PRKCB: variants seen among roughly 807,000 people sequenced by gnomAD.
The protein encoded by PRKCB is protein kinase C beta type.
Under a neutral mutation model 81.5 loss-of-function variants are expected in PRKCB, and 13 were observed. The observed-to-expected ratio is 0.16, with a 90% CI of 0.10 to 0.25. PRKCB has a LOEUF of 0.25. Ranked by LOEUF, PRKCB falls within the 10% of genes least tolerant of loss-of-function variation. PRKCB has a pLI of 1.00. For missense variants in PRKCB, 509 were observed against 875.7 expected, an observed-to-expected ratio of 0.58 and a Z score of 5.29; for synonymous variants, 335 against 321.4, an observed-to-expected ratio of 1.04 and a Z score of -0.45.
intron 3 of PRKCB, among the ~76,000 whole-genome samples, chr16:24,004,478 C>CA (rs71154264): frequency 0.09 from 4,253 of 47,266 alleles, 90 homozygotes; most frequent in African/African-American, 0.15. Context: ...CAAGTCTCTA[C>CA]AAAAAAAAAA....
chr16:23,961,656 C>A (rs1964428094), intron 2 of PRKCB, among the ~76,000 whole-genome samples: 1 of 152,134 alleles, frequency 6.6e-6, no homozygotes, highest in African/African-American at 2.4e-5. Context: ...GGTTGAGCAT[C>A]TCTTATCCAA....
chr16:23,897,861 C>A (rs1326550375), intron 2 of PRKCB, among the ~76,000 whole-genome samples: 1 of 151,952 alleles, frequency 6.6e-6, no homozygotes, highest in African/African-American at 2.4e-5. Flanking sequence ...ACCCACCCAT[C>A]CATATATCTA....
intron 5 of PRKCB, among the ~76,000 whole-genome samples, chr16:24,057,254 T>G (rs1264739273): frequency 1.3e-5 from 2 of 152,182 alleles, no homozygotes; most frequent in African/African-American, 4.8e-5. Flanking sequence ...GTCAGCCCTA[T>G]GAAATAATAC....
chr16:23,955,130 G>A (rs1437452992), intron 2 of PRKCB, among the ~76,000 whole-genome samples: 2 of 152,010 alleles, frequency 1.3e-5, no homozygotes, highest in African/African-American at 2.4e-5. Context: ...GTTGAGGCAC[G>A]ACAATCACTT....
At chr16:24,040,378 T>G (rs1289995656) in intron 5 of PRKCB, among the ~76,000 whole-genome samples, 3 of 152,352 alleles carry the variant, frequency 2.0e-5, no homozygotes, top group Admixed American at 6.5e-5. Flanking sequence ...CATTGCCATC[T>G]TCTCTTTTTC....
At chr16:24,189,773 G>C (rs796093460) in intron 15 of PRKCB, among the ~76,000 whole-genome samples, 35 of 152,282 alleles carry the variant, frequency 2.3e-4, no homozygotes, top group African/African-American at 8.4e-4. Context: ...TCTTGCGAGG[G>C]GGCAACAGGC....
intron 3 of PRKCB, among the ~76,000 whole-genome samples, chr16:23,993,117 G>A (rs1964909583): frequency 6.6e-6 from 1 of 152,080 alleles, no homozygotes; most frequent in Non-Finnish European, 1.5e-5. Flanking sequence ...GCTCCTAAAC[G>A]TGAGATGCAC....
chr16:24,070,660 G>A lies in PRKCB; in HGVS notation c.530-22131G>A, dbSNP rs1052711985. 2.0e-5 allele frequency among the ~76,000 whole-genome samples: 3 copies of A among 152,076 alleles called. No individual in the cohort carries two copies. In the East Asian group the frequency reaches 5.8e-4, roughly 29 times the overall value. On this transcript the variant is annotated intron_variant, in intron 5 of 16. Transcript: ENST00000643927. ...CTCAGCCATCTTATGAGGGAACACT[G>A]TTGCTATTCTCATATTACAGATGAG... is the stretch of plus-strand genomic sequence containing the variant.
intron 2 of PRKCB, among the ~76,000 whole-genome samples, chr16:23,887,803 CA>C (rs1400334467): frequency 5.9e-5 from 9 of 151,322 alleles, no homozygotes; most frequent in Admixed American, 5.9e-4. Context: ...AACTAATTTA[CA>C]ATTTCACCAA....
At chr16:23,874,519 T>G (rs11645672) in intron 2 of PRKCB, among the ~76,000 whole-genome samples, 12,408 of 151,964 alleles carry the variant, frequency 0.082, 657 homozygotes, top group South Asian at 0.21. Flanking sequence ...TGAAACATAC[T>G]TATTTTTTGG....
intron 3 of PRKCB, among the ~76,000 whole-genome samples, chr16:24,020,976 T>TTTCTTTC (rs1195937545): frequency 0.017 from 1,660 of 96,732 alleles, 19 homozygotes; most frequent in African/African-American, 0.029. Context: ...AGACTTTTCT[T>TTTCTTTC]TTTCTTTCTT....
intron 2 of PRKCB, among the ~76,000 whole-genome samples, chr16:23,897,893 G>GTTAT (rs377068069): frequency 0.016 from 2,378 of 151,256 alleles, 27 homozygotes; most frequent in Non-Finnish European, 0.024. Flanking sequence ...TATTATTTAT[G>GTTAT]TTATTTATTT....
chr16:24,059,882 T>A (rs1596531950), intron 5 of PRKCB, among the ~76,000 whole-genome samples: 1 of 152,214 alleles, frequency 6.6e-6, no homozygotes, highest in Middle Eastern at 3.4e-3. Context: ...ACTTGGGAAG[T>A]GCTCTTTCAG....
intron 3 of PRKCB, among the ~76,000 whole-genome samples, chr16:24,000,333 C>T (rs932060663): frequency 3.9e-5 from 6 of 152,188 alleles, no homozygotes; most frequent in South Asian, 2.1e-4. Flanking sequence ...CTGCCTCAAT[C>T]GCCAGTGGAC....
chr16:23,946,454 A>T (rs1335784809), intron 2 of PRKCB, among the ~76,000 whole-genome samples: 1 of 152,198 alleles, frequency 6.6e-6, no homozygotes, highest in African/African-American at 2.4e-5. Flanking sequence ...CCTAGCGGTA[A>T]AGGGTAAGTT....
chr16:24,069,033 C>T (rs1367772007), intron 5 of PRKCB, among the ~76,000 whole-genome samples: 1 of 152,116 alleles, frequency 6.6e-6, no homozygotes, highest in Non-Finnish European at 1.5e-5. Context: ...TGTAACATTC[C>T]TATGAGCCAA....
At chr16:24,061,687 A>G (rs1041221424) in intron 5 of PRKCB, among the ~76,000 whole-genome samples, 2 of 152,132 alleles carry the variant, frequency 1.3e-5, no homozygotes, top group Non-Finnish European at 2.9e-5. Flanking sequence ...CATTATTGAG[A>G]GAGTAAAATG....
At chr16:24,177,594 A>T (rs995472690) in intron 12 of PRKCB, among the ~76,000 whole-genome samples, 1 of 152,240 alleles carries the variant, frequency 6.6e-6, no homozygotes, top group Non-Finnish European at 1.5e-5. Flanking sequence ...ATCAGAAACT[A>T]GCGGCCAAGG....
intron 2 of PRKCB, among the ~76,000 whole-genome samples, chr16:23,924,536 A>G (rs1963871268): frequency 6.6e-6 from 1 of 151,970 alleles, no homozygotes; most frequent in Non-Finnish European, 1.5e-5. Flanking sequence ...TTAACCATCT[A>G]GTTTCTGTTT....
Sources: gnomAD v4.1 joint callset for allele counts (sites outside exome capture counted in the v4.1 genomes callset) on GRCh38, gnomAD v4.1.1 for gene constraint, MANE v1.5 for transcripts, NCBI Gene and HGNC (gene_info 2026-07-23, HGNC 2026-07-21) for gene names.